The following EBF1 variants were observed in gnomAD, a reference collection of about 807,000 sequenced individuals.
The protein encoded by EBF1 is transcription factor COE1.
A neutral mutation model predicts 68.4 loss-of-function variants in EBF1; 10 were observed. The observed-to-expected ratio is 0.15, with a 90% CI of 0.09 to 0.25. The LOEUF (loss-of-function observed/expected upper bound fraction) is 0.25, where lower values mean the gene tolerates loss of function less well. Among genes scored for constraint, EBF1 ranks in the 10% least tolerant of loss-of-function variants. The probability of loss-of-function intolerance (pLI) is 1.00; values close to 1 mark genes in which losing one functional copy is unlikely to be tolerated. For synonymous variants in EBF1, 298 were observed against 299.8 expected (o/e 0.99, Z 0.06); for missense variants, 509 against 794.4 (o/e 0.64, Z 4.32).
chr5:158,870,532 T>C (rs941129199), intron 6 of EBF1, among the ~76,000 whole-genome samples: 8 of 151,908 alleles, frequency 5.3e-5, no homozygotes, highest in Non-Finnish European at 1.2e-4. Context: ...AAAAATTAGC[T>C]GGGCACTGTG....
rs1162137329 is a variant in EBF1 at position 158,697,129 on chromosome 5, A to T, written c.*1982T>A. On this transcript the variant is annotated 3_prime_UTR_variant, in exon 16 of 16. Transcript: ENST00000313708. ...AGTTTCTCCCTAGAATTTAATGCAC[A>T]AAATGCGTCACTCCAAAGGGAGAGA... 1 of 193,178 alleles carries T rather than the reference A, an allele frequency of 5.2e-6. No homozygotes were observed. Among genetic ancestry groups the T allele is most frequent in the Non-Finnish European group, 1.1e-5 (1 of 92,558 alleles). 12.0% of individuals were successfully genotyped at this position (193,178 alleles called of 1,614,324 possible). A position where few individuals can be genotyped will look rare whatever the true frequency, so the allele number is the denominator to read the frequency against.
intron 9 of EBF1, among the ~76,000 whole-genome samples, chr5:158,785,066 T>C (rs1777159319): frequency 6.6e-6 from 1 of 152,200 alleles, no homozygotes. Flanking sequence ...GCATTCTCCC[T>C]TCTCCTCAGT....
intron 6 of EBF1, among the ~76,000 whole-genome samples, chr5:158,975,269 C>G (rs147701309): frequency 1.2e-3 from 184 of 152,246 alleles, no homozygotes; most frequent in African/African-American, 4.0e-3. Context: ...CCTGACCCCA[C>G]TCCCCCCAAA....
intron 6 of EBF1, among the ~76,000 whole-genome samples, chr5:158,992,216 T>C (rs1320697712): frequency 2.1e-5 from 3 of 141,324 alleles, no homozygotes; most frequent in African/African-American, 8.0e-5. Flanking sequence ...AAATAAATCC[T>C]TGTAAGGGAA....
intron 1 of EBF1, chr5:159,097,341 G>C: frequency 3.4e-6 from 2 of 579,944 alleles, no homozygotes; most frequent in South Asian, 2.4e-5. Context: ...CGCCAAGGAC[G>C]GGTGCGTCCT....
intron 6 of EBF1, among the ~76,000 whole-genome samples, chr5:158,877,013 C>T (rs142042475): frequency 1.5e-3 from 231 of 152,172 alleles, no homozygotes; most frequent in African/African-American, 5.3e-3. Flanking sequence ...AGAGAAATAC[C>T]CTGTTTTATT....
chr5:158,793,614 T>C (rs1779090368), intron 9 of EBF1, among the ~76,000 whole-genome samples: 1 of 152,218 alleles, frequency 6.6e-6, no homozygotes, highest in Admixed American at 6.5e-5. Context: ...TCTCTAGTCC[T>C]ATCTGGCTGT....
At chr5:158,960,467 A>C (rs1817956613) in intron 6 of EBF1, among the ~76,000 whole-genome samples, 1 of 152,266 alleles carries the variant, frequency 6.6e-6, no homozygotes, top group Non-Finnish European at 1.5e-5. Context: ...CAAAAGAAAG[A>C]CTCTAAAACT....
chr5:158,740,835 A>G (rs1766182782), intron 10 of EBF1, among the ~76,000 whole-genome samples: 1 of 152,182 alleles, frequency 6.6e-6, no homozygotes, highest in East Asian at 1.9e-4. Context: ...AACACTTTTA[A>G]CACACATTTT....
At chr5:158,762,212 A>G (rs1250180136) in intron 10 of EBF1, among the ~76,000 whole-genome samples, 1 of 152,200 alleles carries the variant, frequency 6.6e-6, no homozygotes, top group African/African-American at 2.4e-5. Context: ...ATCATATATA[A>G]ATGTATAAAG....
chr5:158,765,580 T>G (rs889694649), intron 10 of EBF1, among the ~76,000 whole-genome samples: 3 of 152,012 alleles, frequency 2.0e-5, no homozygotes, highest in Non-Finnish European at 2.9e-5. Context: ...TGTAAAGAAG[T>G]TAACCACAGT....
chr5:158,741,493 T>G (rs935323616), intron 10 of EBF1, among the ~76,000 whole-genome samples: 4 of 151,704 alleles, frequency 2.6e-5, no homozygotes, highest in Non-Finnish European at 5.9e-5. Flanking sequence ...GAGAACAGCT[T>G]GAGCTGGGGA....
chr5:158,898,309 A>G (rs569655039), intron 6 of EBF1, among the ~76,000 whole-genome samples: 1 of 152,240 alleles, frequency 6.6e-6, no homozygotes, highest in Admixed American at 6.5e-5. Context: ...TAATCATTTG[A>G]CATCAGACTT....
intron 6 of EBF1, among the ~76,000 whole-genome samples, chr5:158,938,390 A>C (rs1353491295): frequency 6.6e-6 from 1 of 152,152 alleles, no homozygotes; most frequent in Non-Finnish European, 1.5e-5. Flanking sequence ...GGTTTTCCAA[A>C]CAAGCTATGT....
At chr5:158,766,578 A>C (rs1270144819) in intron 10 of EBF1, among the ~76,000 whole-genome samples, 1 of 152,212 alleles carries the variant, frequency 6.6e-6, no homozygotes, top group Non-Finnish European at 1.5e-5. Context: ...CCTAAACTTC[A>C]CTAGAAAAAA....
chr5:159,056,441 G>T (rs775488757), intron 6 of EBF1, among the ~76,000 whole-genome samples: 1 of 152,162 alleles, frequency 6.6e-6, no homozygotes, highest in Non-Finnish European at 1.5e-5. Context: ...CTTACCAGGC[G>T]AATGAATGCC....
chr5:158,832,321 C>G (rs1011393391), intron 7 of EBF1, among the ~76,000 whole-genome samples: 2 of 152,230 alleles, frequency 1.3e-5, no homozygotes, highest in Non-Finnish European at 2.9e-5. Context: ...CAGCATAAGG[C>G]TCATGCCAAG....
chr5:158,960,664 C>G (rs148834457), intron 6 of EBF1, among the ~76,000 whole-genome samples: 82 of 152,300 alleles, frequency 5.4e-4, no homozygotes, highest in African/African-American at 1.9e-3. Context: ...TGAATGTGGG[C>G]TAGAGTTAGT....
At chr5:158,826,561 T>C (rs560445231) in intron 7 of EBF1, among the ~76,000 whole-genome samples, 182 of 152,326 alleles carry the variant, frequency 1.2e-3, no homozygotes, top group Non-Finnish European at 2.2e-3. Flanking sequence ...GAAATAAATA[T>C]CAGCCTATGT....
Sources: allele counts gnomAD v4.1 joint callset (sites outside exome capture counted in the v4.1 genomes callset), GRCh38; gene constraint gnomAD v4.1.1; transcripts MANE v1.5; gene names NCBI Gene and HGNC (gene_info 2026-07-23, HGNC 2026-07-21).